The following APPBP2 variants were observed in gnomAD, a reference collection of about 807,000 sequenced individuals.
The protein encoded by APPBP2 is amyloid protein-binding protein 2.
APPBP2 carries 15 observed loss-of-function variants against 76.0 expected under a neutral mutation model. That is an observed-to-expected ratio of 0.20 (90% CI 0.13 to 0.30). The LOEUF is 0.30. Ranked by LOEUF, APPBP2 falls within the 10% of genes least tolerant of loss-of-function variation. The probability of loss-of-function intolerance (pLI) is 1.00; values close to 1 mark genes in which losing one functional copy is unlikely to be tolerated. For synonymous variants in APPBP2, 222 were observed against 242.2 expected (o/e 0.92, Z 0.77); for missense variants, 401 against 687.2 (o/e 0.58, Z 4.66).
At chr17:60,468,121 T>C (rs2090525386) in intron 4 of APPBP2, among the ~76,000 whole-genome samples, 1 of 152,202 alleles carries the variant, frequency 6.6e-6, no homozygotes, top group South Asian at 2.1e-4. Flanking sequence ...TACTGAGTAT[T>C]AGAAATGTGC....
chr17:60,493,283 AGCC>A, intron 3 of APPBP2, among the ~76,000 whole-genome samples: 1 of 152,312 alleles, frequency 6.6e-6, no homozygotes, highest in South Asian at 2.1e-4. Flanking sequence ...ACTGCACTCT[AGCC>A]TGGGTGACAC....
intron 3 of APPBP2, among the ~76,000 whole-genome samples, chr17:60,490,351 TC>T (rs1211895938): frequency 6.6e-6 from 1 of 152,100 alleles, no homozygotes; most frequent in Non-Finnish European, 1.5e-5. Context: ...TTTTGCAACT[TC>T]CTATGAATCT....
intron 12 of APPBP2, among the ~76,000 whole-genome samples, chr17:60,450,587 T>C (rs1468842514): frequency 5.3e-5 from 8 of 151,048 alleles, no homozygotes; most frequent in South Asian, 2.1e-4. Context: ...TGGGCCAAGA[T>C]TGTGAGACCT....
intron 1 of APPBP2, among the ~76,000 whole-genome samples, chr17:60,513,023 G>C (rs1045412371): frequency 2.0e-5 from 3 of 149,196 alleles, no homozygotes; most frequent in Non-Finnish European, 4.4e-5. Flanking sequence ...TCGCATCTTG[G>C]CGTGAGACAG....
chr17:60,484,151 T>A (rs2090654193), intron 3 of APPBP2, among the ~76,000 whole-genome samples: 1 of 152,184 alleles, frequency 6.6e-6, no homozygotes, highest in African/African-American at 2.4e-5. Context: ...TAGTTTGAAG[T>A]CAGGTAGTGT....
At chr17:60,495,046 G>A (rs1010206868) in intron 2 of APPBP2, among the ~76,000 whole-genome samples, 6 of 148,602 alleles carry the variant, frequency 4.0e-5, no homozygotes, top group South Asian at 2.2e-4. Context: ...GTGCAGTGGC[G>A]TGGTCTCGGC....
At chr17:60,480,576 T>C (rs1291331231) in intron 3 of APPBP2, among the ~76,000 whole-genome samples, 2 of 151,984 alleles carry the variant, frequency 1.3e-5, no homozygotes, top group Non-Finnish European at 2.9e-5. Context: ...ATTTTTTTAA[T>C]TGGAGAGAAC....
At chr17:60,510,029 A>G (rs2090899434) in intron 1 of APPBP2, among the ~76,000 whole-genome samples, 1 of 152,192 alleles carries the variant, frequency 6.6e-6, no homozygotes, top group Non-Finnish European at 1.5e-5. Flanking sequence ...TTTACCTCTA[A>G]CATAAAAGAA....
chr17:60,487,446 T>A (rs1222656818), intron 3 of APPBP2, among the ~76,000 whole-genome samples: 1 of 152,210 alleles, frequency 6.6e-6, no homozygotes, highest in South Asian at 2.1e-4. Flanking sequence ...ATTAATTTGA[T>A]CTTCAATCAC....
At chr17:60,448,353 C>T (rs1220792206) in intron 12 of APPBP2, among the ~76,000 whole-genome samples, 2 of 152,176 alleles carry the variant, frequency 1.3e-5, no homozygotes, top group African/African-American at 4.8e-5. Context: ...ATCCCAGCTA[C>T]TCGAGAGGCT....
intron 4 of APPBP2, among the ~76,000 whole-genome samples, chr17:60,469,549 C>T (rs1168575114): frequency 6.6e-6 from 1 of 152,076 alleles, no homozygotes; most frequent in Non-Finnish European, 1.5e-5. Flanking sequence ...ACTTTTTCAT[C>T]ACCCCAAACA....
At chr17:60,474,933 T>A (rs1411695899) in intron 4 of APPBP2, among the ~76,000 whole-genome samples, 1 of 152,050 alleles carries the variant, frequency 6.6e-6, no homozygotes, top group Non-Finnish European at 1.5e-5. Context: ...AATTTTTATT[T>A]TAAAATAAAA....
At chr17:60,485,494 G>A (rs2090666998) in intron 3 of APPBP2, among the ~76,000 whole-genome samples, 1 of 152,140 alleles carries the variant, frequency 6.6e-6, no homozygotes, top group Admixed American at 6.5e-5. Context: ...TTGCTTAGAG[G>A]TATTTATAGT....
At chr17:60,472,018 T>G (rs191620318) in intron 4 of APPBP2, among the ~76,000 whole-genome samples, 1 of 152,032 alleles carries the variant, frequency 6.6e-6, no homozygotes, top group Admixed American at 6.6e-5. Flanking sequence ...CCCAGCTACT[T>G]GGGTGGCTGA....
intron 3 of APPBP2, among the ~76,000 whole-genome samples, chr17:60,480,974 C>T (rs1359217994): frequency 6.6e-6 from 1 of 152,082 alleles, no homozygotes; most frequent in Non-Finnish European, 1.5e-5. Context: ...TAGTCAATAC[C>T]AGTTGCAGTT....
intron 11 of APPBP2, among the ~76,000 whole-genome samples, chr17:60,452,548 T>C (rs114195825): frequency 0.017 from 2,603 of 152,278 alleles, 74 homozygotes; most frequent in African/African-American, 0.058. Flanking sequence ...CTCAAGCTAA[T>C]TGAGGGATAT....
chr17:60,484,242 TAGTTTTTTCCAATCCTGTGAAG>T (rs1326185540), intron 3 of APPBP2, among the ~76,000 whole-genome samples: 1 of 152,108 alleles, frequency 6.6e-6, no homozygotes, highest in Non-Finnish European at 1.5e-5. Context: ...AACTTTAGAG[TAGTTTTTTCCAATCCTGTGAAG>T]AAAGTCATTG....
chr17:60,451,479 T>A (rs970762048), intron 12 of APPBP2, among the ~76,000 whole-genome samples: 2 of 152,156 alleles, frequency 1.3e-5, no homozygotes, highest in African/African-American at 2.4e-5. Context: ...TATTTTATTT[T>A]ATTTATTTTT....
At position 60,460,692 on chromosome 17, in the gene APPBP2, C is replaced by T. The variant is rs1203202202; in HGVS notation, c.1032G>A (p.Gln344=). 6 of 1,613,764 alleles carry T rather than the reference C, an allele frequency of 3.7e-6. No individual in the cohort carries two copies. In the East Asian group the frequency reaches 6.7e-5, roughly 18 times the overall value. ...CATTGTCAAATTTCCCAGAGCTATA[C>T]TGGTGGACATAAGAAGAGTAGGCCA... ...EDLAYSSYVH[Q]YSSGKFDNAL... is the part of the protein sequence containing the mutation. Residue 344 remains glutamine, a synonymous_variant, in exon 9 of 13, where the codon CAG becomes CAA. Transcript: ENST00000083182.
Sources: allele counts gnomAD v4.1 joint callset (sites outside exome capture counted in the v4.1 genomes callset), GRCh38; gene constraint gnomAD v4.1.1; transcripts MANE v1.5; gene names NCBI Gene and HGNC (gene_info 2026-07-23, HGNC 2026-07-21).